The following SLC16A12 variants were observed in gnomAD, a reference collection of about 807,000 sequenced individuals.
The protein encoded by SLC16A12 is monocarboxylate transporter 12.
SLC16A12 carries 17 observed loss-of-function variants against 42.4 expected under a neutral mutation model. The ratio of observed to expected loss-of-function variants is 0.40; its 90% confidence interval spans 0.27 to 0.60. The LOEUF is 0.60. Among genes scored for constraint, SLC16A12 ranks in the 20% least tolerant of loss-of-function variants. The pLI, the probability that SLC16A12 is intolerant of heterozygous loss-of-function variation, is 0.42. For missense variants in SLC16A12, 544 were observed against 623.0 expected (o/e 0.87, Z 1.35); for synonymous variants, 224 against 229.4 (o/e 0.98, Z 0.21).
chr10:89,462,681 T>G, intron 2 of SLC16A12, 57 bp from the exon 3 acceptor site: 1 of 1,468,620 alleles, frequency 6.8e-7, no homozygotes, highest in African/African-American at 1.4e-5. Flanking sequence ...AAGGTTGATT[T>G]TTCTTCACTT....
At chr10:89,507,630 A>C (rs576570878) in intron 2 of SLC16A12, among the ~76,000 whole-genome samples, 107 of 152,368 alleles carry the variant, frequency 7.0e-4, no homozygotes, top group Admixed American at 1.6e-3. Context: ...AAACATGCCA[A>C]ATTGTGAAGA....
intron 3 of SLC16A12, among the ~76,000 whole-genome samples, chr10:89,455,336 T>C (rs1842171720): frequency 6.6e-6 from 1 of 152,170 alleles, no homozygotes. Flanking sequence ...CCCTTGTCAC[T>C]TTTTTTAAAG....
Position 89,540,869 on chromosome 10 carries a change from A to G in SLC16A12, c.-47+15013T>C, listed in dbSNP as rs578166744. Among the ~76,000 whole-genome samples the G allele has an allele frequency of 2.0e-5, 3 of 151,846 alleles. No individual in the cohort carries two copies. In the South Asian group the frequency reaches 6.3e-4, roughly 32 times the overall value. ...TGAAATCAGAAAACCGAAGTAAAAA[A>G]TCTCATTTCTACCACTTCTTACCAA... On this transcript the variant is annotated intron_variant, in intron 2 of 2. Coordinates refer to the SLC16A12 transcript ENST00000475682.
chr10:89,487,970 A>ATG (rs1403165095), intron 2 of SLC16A12, among the ~76,000 whole-genome samples: 11 of 42,964 alleles, frequency 2.6e-4, no homozygotes, highest in African/African-American at 7.7e-4. Context: ...GTGTGTATAT[A>ATG]TATATATATA....
chr10:89,443,906 G>A (rs1408280003), intron 3 of SLC16A12, 47 bp from the exon 4 acceptor site: 1 of 1,212,956 alleles, frequency 8.2e-7, no homozygotes, highest in South Asian at 1.2e-5. Flanking sequence ...GAATGAGCAT[G>A]CATTTGAGCC....
At chr10:89,501,138 C>T (rs1201428523) in intron 2 of SLC16A12, among the ~76,000 whole-genome samples, 3 of 152,132 alleles carry the variant, frequency 2.0e-5, no homozygotes, top group South Asian at 2.1e-4. Flanking sequence ...CAAAACACTG[C>T]TCAGAGAAAT....
At chr10:89,541,523 G>A (rs1843716023) in intron 2 of SLC16A12, among the ~76,000 whole-genome samples, 1 of 152,216 alleles carries the variant, frequency 6.6e-6, no homozygotes, top group African/African-American at 2.4e-5. Context: ...CTTGAGCACA[G>A]GAGTTCGAGG....
chr10:89,495,070 C>T (rs1193397909), intron 2 of SLC16A12, among the ~76,000 whole-genome samples: 1 of 152,048 alleles, frequency 6.6e-6, no homozygotes, highest in Non-Finnish European at 1.5e-5. Context: ...AGGAACTGGC[C>T]GGGCATAGTG....
intron 3 of SLC16A12, among the ~76,000 whole-genome samples, chr10:89,456,782 A>G (rs961008113): frequency 2.0e-5 from 3 of 151,878 alleles, no homozygotes; most frequent in Admixed American, 2.0e-4. Flanking sequence ...GCTTCCACTT[A>G]TGATTGAGAA....
intron 2 of SLC16A12, among the ~76,000 whole-genome samples, chr10:89,523,589 T>C (rs1843397442): frequency 6.6e-6 from 1 of 152,248 alleles, no homozygotes; most frequent in Admixed American, 6.5e-5. Flanking sequence ...CTTCTTAGTT[T>C]CTTTCGCTAG....
At chr10:89,515,123 AC>A (rs1326011737) in intron 2 of SLC16A12, among the ~76,000 whole-genome samples, 84 of 150,318 alleles carry the variant, frequency 5.6e-4, no homozygotes, top group Non-Finnish European at 5.5e-4. Flanking sequence ...ACAAAACAAA[AC>A]AAAACAAAAA....
chr10:89,497,567 T>C (rs1467871729), intron 2 of SLC16A12, among the ~76,000 whole-genome samples: 3 of 152,128 alleles, frequency 2.0e-5, no homozygotes, highest in Non-Finnish European at 4.4e-5. Flanking sequence ...AACAGCACTG[T>C]ATTAGGGCCT....
chr10:89,461,203 G>C (rs1467789559), intron 3 of SLC16A12, among the ~76,000 whole-genome samples: 1 of 152,102 alleles, frequency 6.6e-6, no homozygotes, highest in Non-Finnish European at 1.5e-5. Context: ...ATCTAACTTA[G>C]GCATATTCAA....
At chr10:89,548,527 G>T (rs1233232407) in intron 2 of SLC16A12, among the ~76,000 whole-genome samples, 1 of 151,976 alleles carries the variant, frequency 6.6e-6, no homozygotes, top group Non-Finnish European at 1.5e-5. Flanking sequence ...AAAAAAAAAC[G>T]CAGTCGCGAC....
chr10:89,472,458 T>C (rs1032136274), intron 2 of SLC16A12, among the ~76,000 whole-genome samples: 3 of 151,398 alleles, frequency 2.0e-5, no homozygotes, highest in African/African-American at 7.3e-5. Context: ...GCATTACTTC[T>C]TTCTTTTTTC....
intron 2 of SLC16A12, among the ~76,000 whole-genome samples, chr10:89,480,113 A>C (rs1357642097): frequency 6.6e-6 from 1 of 152,112 alleles, no homozygotes; most frequent in African/African-American, 2.4e-5. Context: ...CTGACAGGAC[A>C]CCCCTCTCTC....
In SLC16A12 at chr10:89,436,098, A is replaced by G; in HGVS notation, c.1250T>C (p.Leu417Pro). 1 of 1,614,016 alleles carries G rather than the reference A, an allele frequency of 6.2e-7. No homozygotes were observed. Among genetic ancestry groups the G allele is most frequent in the Non-Finnish European group, 8.5e-7 (1 of 1,179,946 alleles). ...LSSALGVVYFLHAVPYLVSPP... is the reference protein window; with the variant it reads ...LSSALGVVYFPHAVPYLVSPP... ...GCTCACCAAGTATGGCACTGCGTGA[A>G]GGAAGTATACCACACCAAGCGCTGA... The change falls in exon 7 of 8, where the codon CTT becomes CCT. Residue 417 changes from leucine (L) to proline (P), a missense_variant. Physicochemically the swap from Leu to Pro is moderately conservative, Grantham distance 98. Transcript: ENST00000371790.
rs150492824 is a variant in SLC16A12, at chr10:89,451,318, G to C, written c.201-7459C>G. On this transcript the variant is annotated intron_variant, in intron 3 of 7. Coordinates refer to ENST00000371790, the MANE Select transcript of SLC16A12 (RefSeq NM_213606.4). ...GGTATAAACAAGACTGCCATGTTAG[G>C]CAGGGCCGGCTTCATGGGAGTGCAG... Among the ~76,000 whole-genome samples the C allele has an allele frequency of 3.5e-3, 536 of 152,282 alleles. 1 individual carries two copies. The highest frequency in any genetic ancestry group is 0.01 in the Middle Eastern group (3 of 294).
chr10:89,441,084 A>G, intron 5 of SLC16A12, 24 bp downstream of exon 5: 1 of 1,613,588 alleles, frequency 6.2e-7, no homozygotes, highest in Non-Finnish European at 8.5e-7. Flanking sequence ...GTGGGGTGAG[A>G]CAGGTGGTAC....
Sources: gnomAD v4.1 joint callset for allele counts (sites outside exome capture counted in the v4.1 genomes callset) on GRCh38, gnomAD v4.1.1 for gene constraint, MANE v1.5 for transcripts, NCBI Gene and HGNC (gene_info 2026-07-23, HGNC 2026-07-21) for gene names.